GAREM1: variants seen among roughly 807,000 people sequenced by gnomAD.
GAREM1 encodes the protein GRB2 associated regulator of MAPK1 subtype 1.
Under a neutral mutation model 71.3 loss-of-function variants are expected in GAREM1, and 26 were observed. The observed-to-expected ratio is 0.36, with a 90% CI of 0.27 to 0.51. The LOEUF (loss-of-function observed/expected upper bound fraction) is 0.51. Ranked by LOEUF, GAREM1 falls within the 20% of genes least tolerant of loss-of-function variation. GAREM1 has a pLI of 0.95. For synonymous variants in GAREM1, 440 were observed against 433.2 expected, an observed-to-expected ratio of 1.02 and a Z score of -0.20; for missense variants, 1,026 against 1,103.1, an observed-to-expected ratio of 0.93 and a Z score of 0.99.
intron 1 of GAREM1, among the ~76,000 whole-genome samples, chr18:32,460,118 A>C (rs1316375136): frequency 9.3e-5 from 9 of 96,362 alleles, no homozygotes; most frequent in African/African-American, 4.6e-4. Flanking sequence ...TCTTATTTAA[A>C]AAAAAAAAAA....
intron 1 of GAREM1, among the ~76,000 whole-genome samples, chr18:32,448,640 T>C (rs557233015): frequency 1.0e-4 from 15 of 148,960 alleles, no homozygotes; most frequent in African/African-American, 2.7e-4. Context: ...GATATTACTA[T>C]ACATATGTGT....
chr18:32,440,201 A>C (rs985319462), intron 1 of GAREM1, among the ~76,000 whole-genome samples: 2 of 152,236 alleles, frequency 1.3e-5, no homozygotes, highest in African/African-American at 4.8e-5. Flanking sequence ...TAAATCAAAA[A>C]GTCTTGACAT....
At chr18:32,457,900 C>T (rs1354594056) in intron 1 of GAREM1, among the ~76,000 whole-genome samples, 3 of 152,090 alleles carry the variant, frequency 2.0e-5, no homozygotes, top group Non-Finnish European at 4.4e-5. Flanking sequence ...GAGAATTAAA[C>T]TGGACTTTTA....
chr18:32,320,607 CTG>C (rs768989794), intron 2 of GAREM1, among the ~76,000 whole-genome samples: 2 of 152,078 alleles, frequency 1.3e-5, no homozygotes, highest in Non-Finnish European at 2.9e-5. Context: ...CATAGATAAT[CTG>C]TGGTTATTTC....
chr18:32,309,102 T>C (rs1381864862), intron 3 of GAREM1, among the ~76,000 whole-genome samples: 1 of 150,282 alleles, frequency 6.7e-6, no homozygotes, highest in Non-Finnish European at 1.5e-5. Flanking sequence ...AGGTGGACTT[T>C]GGGCTGAAAT....
At chr18:32,325,385 C>T (rs1414157060) in intron 2 of GAREM1, among the ~76,000 whole-genome samples, 1 of 152,112 alleles carries the variant, frequency 6.6e-6, no homozygotes, top group East Asian at 1.9e-4. Context: ...GTTATTATGA[C>T]ATGTCAGTGC....
chr18:32,463,289 T>G (rs1340121749), intron 1 of GAREM1, among the ~76,000 whole-genome samples: 1 of 152,018 alleles, frequency 6.6e-6, no homozygotes, highest in East Asian at 1.9e-4. Context: ...GATACTTGTT[T>G]TCCTTTCTAA....
At chr18:32,396,877 A>G (rs1330153386) in intron 1 of GAREM1, among the ~76,000 whole-genome samples, 1 of 152,222 alleles carries the variant, frequency 6.6e-6, no homozygotes, top group Non-Finnish European at 1.5e-5. Context: ...AGCTGAAATG[A>G]AGGAAAAAAT....
chr18:32,357,658 C>T (rs1430413972), intron 2 of GAREM1, among the ~76,000 whole-genome samples: 1 of 152,176 alleles, frequency 6.6e-6, no homozygotes, highest in Non-Finnish European at 1.5e-5. Context: ...TTGGAGCTTT[C>T]ATCCTTTATA....
At chr18:32,391,959 C>T (rs1023814869) in intron 2 of GAREM1, among the ~76,000 whole-genome samples, 1 of 152,144 alleles carries the variant, frequency 6.6e-6, no homozygotes, top group Non-Finnish European at 1.5e-5. Flanking sequence ...ATTCATCAAA[C>T]AAATACCATT....
intron 1 of GAREM1, among the ~76,000 whole-genome samples, chr18:32,437,855 A>G (rs2048693945): frequency 6.6e-6 from 1 of 152,222 alleles, no homozygotes; most frequent in South Asian, 2.1e-4. Flanking sequence ...GCTGTTACTC[A>G]GTTTCTGTGC....
In GAREM1 at chr18:32,351,595, T is replaced by G. The variant is rs552702324; in HGVS notation, c.263-41272A>C. ...AGAGAAGTATGTGGATAATTACTTCTAGGATGATGCTACACACACAGTGTC... is the reference window on the plus strand; with the variant it reads ...AGAGAAGTATGTGGATAATTACTTCGAGGATGATGCTACACACACAGTGTC... On this transcript the variant is annotated intron_variant, in intron 2 of 5. Coordinates refer to ENST00000269209, the MANE Select transcript of GAREM1 (RefSeq NM_001242409.2). Among the ~76,000 whole-genome samples the G allele has an allele frequency of 3.9e-5, 6 of 152,292 alleles. No homozygotes were observed. The South Asian group carries it at 1.0e-3, about 26-fold the overall frequency.
chr18:32,432,179 A>T (rs1221938174), intron 1 of GAREM1, among the ~76,000 whole-genome samples: 2 of 152,188 alleles, frequency 1.3e-5, no homozygotes, highest in Non-Finnish European at 2.9e-5. Context: ...TCTTTTCTTA[A>T]TTTCTTTAAA....
rs888083198 is a variant in GAREM1 at position 32,268,467 on chromosome 18, T to C, written c.2035A>G (p.Ser679Gly). 1 of 1,614,044 alleles carries C rather than the reference T, an allele frequency of 6.2e-7. No homozygotes were observed. The highest frequency in any genetic ancestry group is 1.3e-5 in the African/African-American group (1 of 74,908). The change falls in exon 6 of 6, where the codon AGC becomes GGC. Residue 679 changes from serine to glycine, a missense_variant. Physicochemically the swap from Ser to Gly is moderately conservative, Grantham distance 56. Around this residue, in one of 3 missense-constraint regions of GAREM1, gnomAD observed 636 missense variants for 631.2 expected, o/e 1.01. Transcript: ENST00000269209. ...TCTGCAGTGACTGGGCTAGTGGGGCTGGCCAGGAGCTCACAGCCATCAAAA... is the reference window on the plus strand; with the variant it reads ...TCTGCAGTGACTGGGCTAGTGGGGCCGGCCAGGAGCTCACAGCCATCAAAA... ...FDFDGCELLA[S>G]PTSPVTAEFS...
At chr18:32,336,450 AT>A (rs1192439671) in intron 2 of GAREM1, among the ~76,000 whole-genome samples, 3 of 149,942 alleles carry the variant, frequency 2.0e-5, no homozygotes, top group Non-Finnish European at 4.4e-5. Context: ...AAAAAAAAAA[AT>A]CATACAGTAT....
rs149059969 is a variant in GAREM1, at chr18:32,276,610, T to C, written c.1567-6227A>G. Reference sequence around the variant, plus strand: ...ACTGAGAAAGTCTTAGGAGGGATTATGAGTGTACAAAAGGTAGAACATAGA... The same window carrying C: ...ACTGAGAAAGTCTTAGGAGGGATTACGAGTGTACAAAAGGTAGAACATAGA... On this transcript the variant is annotated intron_variant, in intron 4 of 5. Transcript: ENST00000269209. Among the ~76,000 whole-genome samples, 11 of 152,284 alleles carry C rather than the reference T, an allele frequency of 7.2e-5. No homozygotes were observed. In the East Asian group the frequency reaches 2.1e-3, roughly 29 times the overall value.
intron 1 of GAREM1, among the ~76,000 whole-genome samples, chr18:32,407,786 G>A (rs2048378403): frequency 6.6e-6 from 1 of 152,020 alleles, no homozygotes; most frequent in Non-Finnish European, 1.5e-5. Flanking sequence ...AAAAAACCTG[G>A]GTCCCTGCCA....
chr18:32,370,809 T>C (rs1319285020), intron 2 of GAREM1, among the ~76,000 whole-genome samples: 4 of 152,028 alleles, frequency 2.6e-5, no homozygotes, highest in Admixed American at 2.6e-4. Context: ...AATACTAACG[T>C]TAAGATTATG....
intron 1 of GAREM1, among the ~76,000 whole-genome samples, chr18:32,456,024 C>T (rs2048884107): frequency 6.6e-6 from 1 of 151,870 alleles, no homozygotes; most frequent in African/African-American, 2.4e-5. Flanking sequence ...GGACTAGAAA[C>T]AAAAAAGAAT....
Sources: gnomAD v4.1 joint callset for allele counts (sites outside exome capture counted in the v4.1 genomes callset) on GRCh38, gnomAD v4.1.1 for gene constraint, gnomAD v4.1.1 regional missense constraint, MANE v1.5 for transcripts, NCBI Gene and HGNC (gene_info 2026-07-23, HGNC 2026-07-21) for gene names.